ALK: variants seen among roughly 807,000 people sequenced by gnomAD.
ALK encodes ALK tyrosine kinase receptor.
In ALK, 74 loss-of-function variants were observed where a neutral mutation model predicts 163.1. The ratio of observed to expected loss-of-function variants is 0.45; its 90% CI spans 0.38 to 0.55. The LOEUF (loss-of-function observed/expected upper bound fraction) is 0.55, where lower values mean the gene tolerates loss of function less well. ALK is among the 20% of genes least tolerant of loss of function. The pLI, the probability that ALK is intolerant of heterozygous loss-of-function variation, is 0.00. For missense variants in ALK, 2,063 were observed against 2,105.3 expected (o/e 0.98, Z 0.39); for synonymous variants, 960 against 843.2 (o/e 1.14, Z -2.40).
At chr2:29,786,215 C>T (rs1664020423) in intron 1 of ALK, among the ~76,000 whole-genome samples, 1 of 152,078 alleles carries the variant, frequency 6.6e-6, no homozygotes, top group Non-Finnish European at 1.5e-5. Flanking sequence ...CCCATCCAGT[C>T]TTTTCGTTTC....
rs1285401036 is a variant in ALK at position 29,776,952 on chromosome 2, G to T, written c.668-59255C>A. 3.4e-4 allele frequency among the ~76,000 whole-genome samples: 51 copies of T among 152,186 alleles called. 1 individual carries two copies. Among genetic ancestry groups the T allele is most frequent in the Admixed American group, 3.3e-3 (51 of 15,286 alleles). On this transcript the variant is annotated intron_variant, in intron 1 of 28. Transcript: ENST00000389048. ...GGACTACTTGTGACCTAAGAATCCA[G>T]GTGGAACCCCAGAAACAAGGGTTCT...
chr2:29,850,858 A>T (rs888791798), intron 1 of ALK, among the ~76,000 whole-genome samples: 25 of 152,126 alleles, frequency 1.6e-4, no homozygotes, highest in African/African-American at 5.5e-4. Context: ...CTGCCCCAAC[A>T]CTTCTTTAGC....
chr2:29,654,784 A>G (rs1315966611), intron 3 of ALK, among the ~76,000 whole-genome samples: 1 of 152,178 alleles, frequency 6.6e-6, no homozygotes, highest in Non-Finnish European at 1.5e-5. Context: ...TAGCTACACA[A>G]TGATAATGAA....
chr2:29,511,509 T>A (rs1313451913), intron 4 of ALK, among the ~76,000 whole-genome samples: 5 of 152,346 alleles, frequency 3.3e-5, no homozygotes, highest in Non-Finnish European at 5.9e-5. Flanking sequence ...TTCCATAGTA[T>A]AGATAAACCA....
chr2:29,205,380 C>T (rs931294767), intron 26 of ALK, among the ~76,000 whole-genome samples: 6 of 152,098 alleles, frequency 3.9e-5, no homozygotes, highest in South Asian at 4.1e-4. Context: ...TTGCTTGTTT[C>T]ACTAGCTGTA....
chr2:29,200,924 A>G (rs909438963), intron 26 of ALK, among the ~76,000 whole-genome samples: 1 of 150,880 alleles, frequency 6.6e-6, no homozygotes, highest in Non-Finnish European at 1.5e-5. Context: ...TCTGCCTGGA[A>G]TGATTGATAG....
chr2:29,216,043 C>G (rs1669595368), intron 23 of ALK, among the ~76,000 whole-genome samples: 1 of 152,138 alleles, frequency 6.6e-6, no homozygotes, highest in South Asian at 2.1e-4. Flanking sequence ...CCAGAGGCCT[C>G]GTTAGGGGCA....
chr2:29,329,246 A>C (rs896555212), intron 5 of ALK, among the ~76,000 whole-genome samples: 1 of 152,234 alleles, frequency 6.6e-6, no homozygotes, highest in African/African-American at 2.4e-5. Flanking sequence ...AGAACAATGC[A>C]TTTTGATAAT....
intron 1 of ALK, among the ~76,000 whole-genome samples, chr2:29,849,649 A>G (rs1665941095): frequency 6.6e-6 from 1 of 152,262 alleles, no homozygotes; most frequent in Admixed American, 6.5e-5. Flanking sequence ...ATCTTTAAAA[A>G]TGAACAAGAT....
chr2:29,808,539 GGA>G (rs1396563874), intron 1 of ALK, among the ~76,000 whole-genome samples: 1 of 152,070 alleles, frequency 6.6e-6, no homozygotes, highest in Non-Finnish European at 1.5e-5. Flanking sequence ...TAGATCCCTG[GGA>G]GATAGAGTGA....
At chr2:29,889,691 TAGAC>T (rs1558535259) in intron 1 of ALK, among the ~76,000 whole-genome samples, 1 of 23,306 alleles carries the variant, frequency 4.3e-5, no homozygotes, top group Non-Finnish European at 1.2e-4. Context: ...TATAGATAGA[TAGAC>T]AGAGAGAGAG....
intron 5 of ALK, among the ~76,000 whole-genome samples, chr2:29,376,112 AC>A (rs1474489465): frequency 7.3e-5 from 11 of 150,654 alleles, no homozygotes; most frequent in African/African-American, 2.7e-4. Flanking sequence ...AGAAATTCCA[AC>A]CCCCCATAAA....
At chr2:29,706,836 T>C (rs1373763647) in intron 2 of ALK, among the ~76,000 whole-genome samples, 1 of 152,158 alleles carries the variant, frequency 6.6e-6, no homozygotes, top group Admixed American at 6.5e-5. Context: ...ATGGGAAAAT[T>C]AAGGCTCAGA....
chr2:29,638,531 G>T (rs981381256), intron 3 of ALK, among the ~76,000 whole-genome samples: 1 of 150,948 alleles, frequency 6.6e-6, no homozygotes, highest in Non-Finnish European at 1.5e-5. Context: ...GGGGTGGGGG[G>T]AGATGGATGC....
chr2:29,377,679 G>C (rs1269022368), intron 5 of ALK, among the ~76,000 whole-genome samples: 1 of 152,150 alleles, frequency 6.6e-6, no homozygotes, highest in Non-Finnish European at 1.5e-5. Context: ...TCAGGCTCTA[G>C]AAAAGGTTTG....
chr2:29,899,809 G>C (rs942465844), intron 1 of ALK: 1 of 149,446 alleles, frequency 6.7e-6, no homozygotes, highest in African/African-American at 2.5e-5. Context: ...CTGGGCGACA[G>C]AGTGAGACCC....
At chr2:29,512,342 T>A (rs977727458) in intron 4 of ALK, among the ~76,000 whole-genome samples, 6 of 148,988 alleles carry the variant, frequency 4.0e-5, no homozygotes, top group African/African-American at 1.5e-4. Context: ...GCTGGTTCAA[T>A]ATACGCAAAT....
chr2:29,650,603 C>G lies in ALK; in HGVS notation c.952+44247G>C, dbSNP rs1403444183. Among the ~76,000 whole-genome samples the G allele has an allele frequency of 6.6e-5, 10 of 152,226 alleles. 1 individual carries two copies. In the East Asian group the frequency reaches 1.7e-3, roughly 26 times the overall value. On this transcript the variant is annotated intron_variant, in intron 3 of 28. Transcript: ENST00000389048. ...ACCTAATCTTATTTGGCATGATTCT[C>G]TAAGACATGCCAAACAGAGCTTTCA...
At chr2:29,788,621 C>T (rs1281472713) in intron 1 of ALK, among the ~76,000 whole-genome samples, 2 of 152,148 alleles carry the variant, frequency 1.3e-5, no homozygotes, top group African/African-American at 4.8e-5. Context: ...TTTCTGGGAA[C>T]ATAGCAAAGA....
Sources: allele counts gnomAD v4.1 joint callset (sites outside exome capture counted in the v4.1 genomes callset), GRCh38; gene constraint gnomAD v4.1.1; transcripts MANE v1.5; gene names NCBI Gene and HGNC (gene_info 2026-07-23, HGNC 2026-07-21).